Variants in PPARGC1A observed in about 807,000 individuals in gnomAD.
The protein encoded by PPARGC1A is peroxisome proliferator-activated receptor gamma coactivator 1-alpha.
In PPARGC1A, 25 loss-of-function variants were observed where a neutral mutation model predicts 88.7. The observed-to-expected ratio is 0.28, with a 90% CI of 0.21 to 0.39. The LOEUF (loss-of-function observed/expected upper bound fraction) is 0.39. Among genes scored for constraint, PPARGC1A ranks in the 10% least tolerant of loss-of-function variants. The pLI is 1.00. For missense variants in PPARGC1A, 880 were observed against 968.7 expected (o/e 0.91, Z 1.22); for synonymous variants, 363 against 355.6 (o/e 1.02, Z -0.24).
intron 2 of PPARGC1A, among the ~76,000 whole-genome samples, chr4:23,838,978 A>G (rs1460278516): frequency 6.6e-6 from 1 of 152,178 alleles, no homozygotes; most frequent in African/African-American, 2.4e-5. Context: ...ACGATCAAAA[A>G]CCAGGGCTAA....
At chr4:23,942,041 G>C in the PPARGC1A span, among the ~76,000 whole-genome samples, 1 of 151,864 alleles carries the variant, frequency 6.6e-6, no homozygotes, top group East Asian at 1.9e-4. Context: ...CACACTATGG[G>C]CAGATACAGT....
chr4:23,814,898 A>G (rs966823212), intron 7 of PPARGC1A, among the ~76,000 whole-genome samples: 7 of 152,072 alleles, frequency 4.6e-5, no homozygotes, highest in African/African-American at 1.7e-4. Flanking sequence ...ACATGAATGC[A>G]TCACCCCTGG....
At chr4:24,089,729 G>A in the PPARGC1A span, among the ~76,000 whole-genome samples, 2 of 151,974 alleles carry the variant, frequency 1.3e-5, no homozygotes, top group African/African-American at 4.8e-5. Context: ...AGCCAGGATG[G>A]TCTCGATCTC....
intron 1 of PPARGC1A, among the ~76,000 whole-genome samples, chr4:23,899,087 C>CT (rs980194893): frequency 7.9e-4 from 8 of 10,068 alleles, no homozygotes; most frequent in African/African-American, 3.1e-3. Context: ...TGATCCACCC[C>CT]CCCCCGGCCT....
the PPARGC1A span, among the ~76,000 whole-genome samples, chr4:23,939,031 C>T: frequency 1.3e-5 from 2 of 152,112 alleles, no homozygotes; most frequent in Non-Finnish European, 2.9e-5. Flanking sequence ...GTGATGACTG[C>T]CCAGCCTGGG....
chr4:24,374,510 AG>A, the PPARGC1A span, among the ~76,000 whole-genome samples: 1 of 152,020 alleles, frequency 6.6e-6, no homozygotes, highest in Non-Finnish European at 1.5e-5. Flanking sequence ...CCATGACACA[AG>A]TTTACCTATG....
the PPARGC1A span, among the ~76,000 whole-genome samples, chr4:24,248,462 A>G: frequency 6.6e-6 from 1 of 151,936 alleles, no homozygotes; most frequent in African/African-American, 2.4e-5. Flanking sequence ...AGAGTTGGAG[A>G]TAAGACAGCA....
At chr4:24,027,839 T>C in the PPARGC1A span, among the ~76,000 whole-genome samples, 39 of 152,318 alleles carry the variant, frequency 2.6e-4, no homozygotes, top group African/African-American at 8.7e-4. Context: ...AGACGATGTC[T>C]TGGAACTCCA....
chr4:24,393,061 C>A, the PPARGC1A span, among the ~76,000 whole-genome samples: 6 of 150,690 alleles, frequency 4.0e-5, no homozygotes, highest in African/African-American at 1.5e-4. Flanking sequence ...CTTTTTCTGG[C>A]CTTTCTTTGG....
the PPARGC1A span, among the ~76,000 whole-genome samples, chr4:24,311,999 C>T: frequency 5.9e-5 from 9 of 152,308 alleles, 1 homozygote; most frequent in Middle Eastern, 6.8e-3. Flanking sequence ...CAATCCCCCA[C>T]GGGAACCCAC....
the PPARGC1A span, among the ~76,000 whole-genome samples, chr4:24,325,453 C>G: frequency 6.6e-6 from 1 of 152,184 alleles, no homozygotes; most frequent in Admixed American, 6.5e-5. Context: ...GCCAGGTGTT[C>G]CTCTAGAACC....
chr4:23,807,406 G>A (rs909388861), intron 10 of PPARGC1A, among the ~76,000 whole-genome samples: 6 of 152,160 alleles, frequency 3.9e-5, no homozygotes, highest in African/African-American at 1.2e-4. Context: ...CGTACCGTGT[G>A]CTACTATCCC....
chr4:24,361,762 C>T, the PPARGC1A span, among the ~76,000 whole-genome samples: 5 of 152,342 alleles, frequency 3.3e-5, no homozygotes, highest in South Asian at 2.1e-4. Flanking sequence ...TCGTATCCCA[C>T]GTTACAATGT....
chr4:23,983,540 C>A, the PPARGC1A span, among the ~76,000 whole-genome samples: 1 of 152,012 alleles, frequency 6.6e-6, no homozygotes, highest in African/African-American at 2.4e-5. Flanking sequence ...GGAATAAGTT[C>A]TTTATATACA....
At chr4:24,414,744 G>A in the PPARGC1A span, among the ~76,000 whole-genome samples, 119 of 152,284 alleles carry the variant, frequency 7.8e-4, 1 homozygote, top group East Asian at 0.022. Context: ...AAGTTGTTAG[G>A]TACAACTTCT....
chr4:23,860,168 A>G (rs1730989792), intron 2 of PPARGC1A, among the ~76,000 whole-genome samples: 1 of 152,052 alleles, frequency 6.6e-6, no homozygotes, highest in Non-Finnish European at 1.5e-5. Context: ...GCTATATGGA[A>G]GGCTGAGATG....
At chr4:23,824,391 T>C (rs774330385) in intron 6 of PPARGC1A, 38 bp from the exon 7 acceptor site, 6 of 1,609,096 alleles carry the variant, frequency 3.7e-6, no homozygotes, top group Non-Finnish European at 5.1e-6. Flanking sequence ...CAAACTGAAA[T>C]GGAGTTGCTG....
the PPARGC1A span, among the ~76,000 whole-genome samples, chr4:23,923,914 A>G: frequency 6.6e-6 from 1 of 152,034 alleles, no homozygotes; most frequent in Non-Finnish European, 1.5e-5. Flanking sequence ...AGAGGACTAC[A>G]CTCCAGAGTA....
At chr4:23,820,560 C>A in intron 7 of PPARGC1A, 1 of 399,558 alleles carries the variant, frequency 2.5e-6, no homozygotes, top group Non-Finnish European at 5.0e-6. Flanking sequence ...GATTTAAATG[C>A]CTTCTGCCAA....
Sources: allele counts gnomAD v4.1 joint callset (sites outside exome capture counted in the v4.1 genomes callset), GRCh38; gene constraint gnomAD v4.1.1; transcripts MANE v1.5; gene names NCBI Gene and HGNC (gene_info 2026-07-23, HGNC 2026-07-21).